The following CCSER1 variants were observed in gnomAD, a reference collection of about 807,000 sequenced individuals.
The protein encoded by CCSER1 is coiled-coil serine rich protein 1, also known as serine-rich coiled-coil domain-containing protein 1.
In CCSER1, 41 loss-of-function variants were observed where a neutral mutation model predicts 82.0. The ratio of observed to expected loss-of-function variants is 0.50; its 90% confidence interval spans 0.39 to 0.65. The LOEUF is 0.65. CCSER1 is among the 30% of genes least tolerant of loss of function. The pLI, the probability that CCSER1 is intolerant of heterozygous loss-of-function variation, is 0.00. For missense variants in CCSER1, 1,119 were observed against 1,064.2 expected, an observed-to-expected ratio of 1.05 and a Z score of -0.72; for synonymous variants, 414 against 383.9, an observed-to-expected ratio of 1.08 and a Z score of -0.92.
In CCSER1 at chr4:90,585,324, A is replaced by T. The variant is rs188546247; in HGVS notation, c.1725-42701A>T. On this transcript the variant is annotated intron_variant, in intron 5 of 10. Transcript: ENST00000509176. ...AACTATTGGAGTTCTCAAAATTTAT[A>T]TATTTTTGACAAAATCCTTTATGTA... Among the ~76,000 whole-genome samples, 377 of 152,316 alleles carry T rather than the reference A, an allele frequency of 2.5e-3. 2 individuals are homozygous for T. Among genetic ancestry groups the T allele is most frequent in the African/African-American group, 8.6e-3 (357 of 41,572 alleles).
chr4:91,471,533 C>T (rs569982904), intron 10 of CCSER1, among the ~76,000 whole-genome samples: 132 of 152,188 alleles, frequency 8.7e-4, no homozygotes, highest in African/African-American at 3.0e-3. Flanking sequence ...GCCGTGACGA[C>T]GCACTCCCCT....
chr4:91,380,370 G>A (rs572863971), intron 10 of CCSER1, among the ~76,000 whole-genome samples: 3 of 152,184 alleles, frequency 2.0e-5, no homozygotes, highest in Non-Finnish European at 2.9e-5. Context: ...CATTATTATT[G>A]TGTGGGAGTC....
intron 1 of CCSER1, among the ~76,000 whole-genome samples, chr4:90,128,033 G>A (rs1722098273): frequency 6.6e-6 from 1 of 151,956 alleles, no homozygotes; most frequent in African/African-American, 2.4e-5. Flanking sequence ...AAGGAGGCGG[G>A]CGGGCTCGCT....
intron 10 of CCSER1, among the ~76,000 whole-genome samples, chr4:91,167,185 C>T (rs1245491680): frequency 5.8e-5 from 7 of 121,486 alleles, no homozygotes; most frequent in Admixed American, 9.2e-5. Context: ...AATTGCAATA[C>T]TTTTTTTTTT....
At chr4:91,192,327 A>C (rs1271875026) in intron 10 of CCSER1, among the ~76,000 whole-genome samples, 1 of 152,132 alleles carries the variant, frequency 6.6e-6, no homozygotes, top group East Asian at 1.9e-4. Context: ...TAATTTCTTC[A>C]GATTTCCAAC....
intron 10 of CCSER1, among the ~76,000 whole-genome samples, chr4:91,401,404 C>G (rs1016392124): frequency 6.8e-6 from 1 of 148,038 alleles, no homozygotes; most frequent in Non-Finnish European, 1.5e-5. Flanking sequence ...TATATATATA[C>G]TTTTTTTATT....
chr4:91,356,783 T>A (rs1192221720), intron 10 of CCSER1, among the ~76,000 whole-genome samples: 2 of 152,088 alleles, frequency 1.3e-5, no homozygotes, highest in Non-Finnish European at 2.9e-5. Context: ...AGACAAGAAG[T>A]GAACTTAGTG....
At chr4:91,069,580 C>T (rs1020352132) in intron 9 of CCSER1, among the ~76,000 whole-genome samples, 5 of 152,090 alleles carry the variant, frequency 3.3e-5, no homozygotes, top group African/African-American at 9.7e-5. Context: ...ATGGACTTTA[C>T]GTTCTGGTGA....
At chr4:91,038,384 C>G (rs1238736509) in intron 9 of CCSER1, among the ~76,000 whole-genome samples, 1 of 150,732 alleles carries the variant, frequency 6.6e-6, no homozygotes, top group African/African-American at 2.4e-5. Flanking sequence ...AAAACCCTAG[C>G]TAATGTTCCT....
intron 3 of CCSER1, among the ~76,000 whole-genome samples, chr4:90,384,214 A>T (rs552305979): frequency 1.3e-5 from 2 of 151,648 alleles, no homozygotes; most frequent in South Asian, 4.2e-4. Flanking sequence ...ATATGTATAT[A>T]TGTGCCATGT....
chr4:90,392,232 A>G (rs998026977), intron 3 of CCSER1, among the ~76,000 whole-genome samples: 3 of 151,912 alleles, frequency 2.0e-5, no homozygotes, highest in Non-Finnish European at 2.9e-5. Context: ...TTCTTTTTCT[A>G]TTACTTAATA....
chr4:91,543,496 G>C (rs1008378771), intron 10 of CCSER1, among the ~76,000 whole-genome samples: 3 of 152,052 alleles, frequency 2.0e-5, no homozygotes, highest in Non-Finnish European at 4.4e-5. Flanking sequence ...AGGCTGGCCT[G>C]GTGGTGACAA....
Position 91,604,890 on chromosome 4 carries a change from C to T in CCSER1, c.*5833C>T, listed in dbSNP as rs1372353572. 6.6e-6 allele frequency: 1 copy of T among 151,704 alleles called. No individual in the cohort carries two copies. Among genetic ancestry groups the T allele is most frequent in the Non-Finnish European group, 1.5e-5 (1 of 67,848 alleles). The allele number at this position is 151,704 out of a possible 1,614,324, so 9.4% of individuals were successfully genotyped here. On this transcript the variant is annotated 3_prime_UTR_variant, in exon 11 of 11. Coordinates refer to ENST00000509176, the MANE Select transcript of CCSER1 (RefSeq NM_001145065.2). The stretch of plus-strand genomic sequence containing the variant: ...AATAATGTCTGAATAAGACGTAATC[C>T]TGTCATGAGTTCTCTCTTCCAAAAA...
chr4:90,352,242 G>T (rs1472539984), intron 3 of CCSER1, among the ~76,000 whole-genome samples: 1 of 151,758 alleles, frequency 6.6e-6, no homozygotes, highest in Non-Finnish European at 1.5e-5. Flanking sequence ...GAGAATGGCG[G>T]GAACCCGGGA....
intron 8 of CCSER1, among the ~76,000 whole-genome samples, chr4:90,849,865 G>A (rs1561244927): frequency 6.6e-6 from 1 of 151,628 alleles, no homozygotes; most frequent in Non-Finnish European, 1.5e-5. Context: ...TTTGCATAAG[G>A]AGGTGAATGT....
chr4:90,898,363 A>C (rs906673173), intron 8 of CCSER1, among the ~76,000 whole-genome samples: 2 of 143,272 alleles, frequency 1.4e-5, no homozygotes, highest in African/African-American at 5.3e-5. Context: ...GCTCACTGCA[A>C]ACTCTAAGTT....
At chr4:90,652,748 C>G (rs1365500813) in intron 6 of CCSER1, among the ~76,000 whole-genome samples, 2 of 152,148 alleles carry the variant, frequency 1.3e-5, no homozygotes, top group East Asian at 1.9e-4. Context: ...AAGTTAATCT[C>G]TATTCCCCAT....
chr4:91,198,419 G>C (rs1306576442), intron 10 of CCSER1, among the ~76,000 whole-genome samples: 2 of 152,088 alleles, frequency 1.3e-5, no homozygotes, highest in African/African-American at 4.8e-5. Flanking sequence ...ATTTCATCAG[G>C]GTTGCAAAAC....
chr4:90,821,937 G>A (rs570254789), intron 8 of CCSER1, among the ~76,000 whole-genome samples: 30 of 152,164 alleles, frequency 2.0e-4, no homozygotes, highest in African/African-American at 7.0e-4. Flanking sequence ...TGTTTTGGGG[G>A]GATGGATATG....
Sources: gnomAD v4.1 joint callset for allele counts (sites outside exome capture counted in the v4.1 genomes callset) on GRCh38, gnomAD v4.1.1 for gene constraint, MANE v1.5 for transcripts, NCBI Gene and HGNC (gene_info 2026-07-23, HGNC 2026-07-21) for gene names.